The following AASS variants were observed in gnomAD, a reference collection of about 807,000 sequenced individuals.
AASS encodes alpha-aminoadipic semialdehyde synthase, mitochondrial.
Under a neutral mutation model 105.4 loss-of-function variants are expected in AASS, and 86 were observed. The ratio of observed to expected loss-of-function variants is 0.82; its 90% CI spans 0.69 to 0.98. The LOEUF (loss-of-function observed/expected upper bound fraction) is 0.98, where lower values mean the gene tolerates loss of function less well. Among genes scored for constraint, AASS ranks in the 50% least tolerant of loss-of-function variants. The probability of loss-of-function intolerance (pLI) is 0.00; values close to 1 mark genes in which losing one functional copy is unlikely to be tolerated. For missense variants in AASS, 1,048 were observed against 1,143.2 expected (o/e 0.92, Z 1.20); for synonymous variants, 381 against 394.8 (o/e 0.96, Z 0.41).
At chr7:122,092,126 T>C (rs1024710698) in intron 17 of AASS, among the ~76,000 whole-genome samples, 1 of 151,668 alleles carries the variant, frequency 6.6e-6, no homozygotes, top group Admixed American at 6.6e-5. Context: ...CAGTTCCTAC[T>C]AACTTTTGTA....
intron 2 of AASS, 74 bp from the exon 3 acceptor site, chr7:122,129,611 G>T (rs1008324063): frequency 2.2e-6 from 3 of 1,354,528 alleles, no homozygotes; most frequent in Admixed American, 1.7e-5. Flanking sequence ...AAAATGTGTA[G>T]CAAAGGCACA....
At chr7:122,076,647 G>A in intron 23 of AASS, 40 bp from the exon 24 acceptor site, 1 of 1,420,250 alleles carries the variant, frequency 7.0e-7, no homozygotes, top group Non-Finnish European at 1.0e-6. Context: ...TTCAAAGGTT[G>A]TGTCAGAGGT....
rs752911247 is a variant in AASS, at chr7:122,086,174, C to T, written c.2022G>A (p.Val674=). 1 of 1,613,160 alleles carries T rather than the reference C, an allele frequency of 6.2e-7. No individual in the cohort carries two copies. The highest frequency in any genetic ancestry group is 8.5e-7 in the Non-Finnish European group (1 of 1,179,634). The part of the protein sequence containing the change: ...SATYLLDGKV[V]NVAGGISFLD... ...GAAAGGAGATGCCTCCTGCAACATT[C>T]ACAACCTGAGGAACATTGAGAAGGC... Residue 674 remains valine, a synonymous_variant, in exon 19 of 24, where the codon GTG becomes GTA. Coordinates refer to ENST00000417368, the MANE Select transcript of AASS (RefSeq NM_005763.4).
chr7:122,136,331 G>A (rs1290529581), intron 1 of AASS, among the ~76,000 whole-genome samples: 1 of 152,126 alleles, frequency 6.6e-6, no homozygotes, highest in African/African-American at 2.4e-5. Context: ...AAACAGCGAA[G>A]AGTCCAGCTA....
In AASS at chr7:122,133,608, G is replaced by C; in HGVS notation, c.119C>G (p.Ala40Gly). Residue 40 changes from alanine (A) to glycine (G), a missense_variant, in exon 2 of 24, where the codon GCC becomes GGC. Coordinates refer to ENST00000417368, the MANE Select transcript of AASS (RefSeq NM_005763.4). ...REDVNAWERR[A>G]PLAPKHIKGI... ...TTTGATGTGCTTGGGAGCTAGCGGG[G>C]CCCTTCTCTCCCAGGCGTTCACATC... is the stretch of plus-strand genomic sequence containing the variant. The C allele has an allele frequency of 6.2e-7, 1 of 1,614,158 alleles. No individual in the cohort carries two copies. Among genetic ancestry groups the C allele is most frequent in the Non-Finnish European group, 8.5e-7 (1 of 1,180,040 alleles).
chr7:122,082,733 G>A, intron 19 of AASS: 2 of 915,514 alleles, frequency 2.2e-6, no homozygotes, highest in Middle Eastern at 7.2e-4. Flanking sequence ...TATATTAATA[G>A]GTGCTAGGTT....
intron 21 of AASS, chr7:122,079,356 G>T: frequency 7.3e-7 from 1 of 1,376,548 alleles, no homozygotes; most frequent in Non-Finnish European, 9.4e-7. Context: ...ACCCCACTAT[G>T]CTTGGGAACT....
chr7:122,137,725 T>C (rs998354913), intron 1 of AASS, among the ~76,000 whole-genome samples: 3 of 152,228 alleles, frequency 2.0e-5, no homozygotes, highest in Non-Finnish European at 2.9e-5. Flanking sequence ...GTGTCTAGTA[T>C]TTCATGGAAA....
intron 1 of AASS, among the ~76,000 whole-genome samples, chr7:122,138,246 G>A (rs1227857585): frequency 5.3e-5 from 8 of 152,082 alleles, no homozygotes; most frequent in South Asian, 4.1e-4. Flanking sequence ...GAATTGCAGC[G>A]AGATACAGTA....
rs747614194 is a variant in AASS, at chr7:122,076,570, T to C, written c.2700A>G (p.Ser900=). ...CCAATATTGGTCCATAGATCTCCTT[T>C]GAAAAGGGCCCCATTAGGCCTTTGG... ...IGAKGLMGPF[S]KEIYGPILER... The change falls in exon 24 of 24, where the codon TCA becomes TCG. Residue 900 remains serine (S), a synonymous_variant. Transcript: ENST00000417368. The C allele has an allele frequency of 3.7e-6, 6 of 1,613,840 alleles. No homozygotes were observed. The South Asian group carries it at 4.4e-5, about 12-fold the overall frequency.
chr7:122,091,416 T>C (rs545285236), intron 18 of AASS, among the ~76,000 whole-genome samples: 2 of 152,230 alleles, frequency 1.3e-5, no homozygotes, highest in South Asian at 4.1e-4. Context: ...CATGCTGAAA[T>C]AAATCAAGAG....
intron 3 of AASS, among the ~76,000 whole-genome samples, chr7:122,128,350 C>T (rs1458402487): frequency 6.6e-6 from 1 of 152,158 alleles, no homozygotes; most frequent in Non-Finnish European, 1.5e-5. Flanking sequence ...CACTCAATCT[C>T]GAATCTGTCT....
At chr7:122,098,974 G>A in intron 13 of AASS, 108 bp from the exon 14 acceptor site, 4 of 1,190,378 alleles carry the variant, frequency 3.4e-6, no homozygotes, top group South Asian at 1.7e-5. Flanking sequence ...CCTAAATAAT[G>A]AAGCAACATT....
chr7:122,101,599 A>G, intron 12 of AASS, 22 bp downstream of exon 12: 1 of 1,600,816 alleles, frequency 6.2e-7, no homozygotes, highest in Admixed American at 1.7e-5. Flanking sequence ...ATTTATGAAA[A>G]AATATTCTGC....
chr7:122,077,837 C>A lies in AASS; in HGVS notation c.2662+1G>T. On this transcript the variant is annotated splice_donor_variant, in intron 23 of 23. Coordinates refer to ENST00000417368, the MANE Select transcript of AASS (RefSeq NM_005763.4). LOFTEE classifies it high-confidence loss of function. ...CTTACACCTCAAATGAACAGACTTA[C>A]CATCAAGCAACATTTTGGCTGCCAT... 2 of 1,614,188 alleles carry A rather than the reference C, an allele frequency of 1.2e-6. No individual in the cohort carries two copies. The highest frequency in any genetic ancestry group is 1.7e-6 in the Non-Finnish European group (2 of 1,180,026).
chr7:122,139,748 T>C (rs890946512), intron 1 of AASS, among the ~76,000 whole-genome samples: 5 of 151,788 alleles, frequency 3.3e-5, no homozygotes, highest in Non-Finnish European at 7.4e-5. Flanking sequence ...ACCTGAGGAG[T>C]TCGAGACCAG....
intron 15 of AASS, among the ~76,000 whole-genome samples, chr7:122,096,619 C>A (rs1167148013): frequency 6.6e-6 from 1 of 150,856 alleles, no homozygotes; most frequent in African/African-American, 2.4e-5. Flanking sequence ...CAAAATGAGA[C>A]TGTCTCAAAA....
intron 4 of AASS, among the ~76,000 whole-genome samples, chr7:122,120,758 T>C (rs1584880105): frequency 6.6e-6 from 1 of 152,176 alleles, no homozygotes; most frequent in Non-Finnish European, 1.5e-5. Flanking sequence ...TTTAAATTTT[T>C]ATTCTCTTAA....
chr7:122,126,148 G>A (rs894556078), intron 4 of AASS, among the ~76,000 whole-genome samples: 5 of 152,120 alleles, frequency 3.3e-5, no homozygotes, highest in African/African-American at 1.2e-4. Flanking sequence ...GTTTGTAGTT[G>A]TTATCCTTCT....
Sources: gnomAD v4.1 joint callset for allele counts (sites outside exome capture counted in the v4.1 genomes callset) on GRCh38, gnomAD v4.1.1 for gene constraint, MANE v1.5 for transcripts, NCBI Gene and HGNC (gene_info 2026-07-23, HGNC 2026-07-21) for gene names.